PRKD3: variants seen among roughly 807,000 people sequenced by gnomAD.
PRKD3 encodes the protein serine/threonine-protein kinase D3.
PRKD3 carries 47 observed loss-of-function variants against 99.2 expected under a neutral mutation model. The observed-to-expected ratio is 0.47, with a 90% confidence interval of 0.38 to 0.60. The LOEUF is 0.60. PRKD3 is among the 20% of genes least tolerant of loss of function. The pLI is 0.00. For synonymous variants in PRKD3, 392 were observed against 355.4 expected (o/e 1.10, Z -1.16); for missense variants, 1,019 against 1,088.4 (o/e 0.94, Z 0.90).
chr2:37,254,238 C>A lies in PRKD3; in HGVS notation c.2465G>T (p.Ser822Ile). Residue 822 changes from serine to isoleucine, a missense_variant, in exon 18 of 19, where the codon AGT becomes ATT. Around this residue, in one of 3 missense-constraint regions of PRKD3, gnomAD observed 125 missense variants for 120.6 expected, o/e 1.04. Transcript: ENST00000234179. ...GGGATGACTAAGAGATTTGTCAACA[C>A]TGTAACGTTTTCTCATCTTCACTTG... ...LLQVKMRKRY[S>I]VDKSLSHPWL... is the part of the protein sequence containing the mutation. 2 of 1,613,420 alleles carry A rather than the reference C, an allele frequency of 1.2e-6. No individual in the cohort carries two copies.
chr2:37,262,235 T>G (rs890855657), intron 14 of PRKD3, among the ~76,000 whole-genome samples: 2 of 152,214 alleles, frequency 1.3e-5, no homozygotes, highest in Non-Finnish European at 2.9e-5. Context: ...GAGTTCCATG[T>G]CTAAGATGTT....
intron 14 of PRKD3, among the ~76,000 whole-genome samples, chr2:37,262,877 A>G (rs1668571531): frequency 6.6e-6 from 1 of 151,326 alleles, no homozygotes; most frequent in South Asian, 2.1e-4. Context: ...GAGATGAGCA[A>G]AGTATCCTAA....
rs1558543259 is a variant in PRKD3, at chr2:37,274,569, ATTG to A, written c.1500_1502del (p.Asn501del). 6.2e-7 allele frequency: 1 copy of A among 1,614,118 alleles called. No individual in the cohort carries two copies. Among genetic ancestry groups the A allele is most frequent in the South Asian group, 1.1e-5 (1 of 91,084 alleles). On this transcript the variant is annotated inframe_deletion, in exon 11 of 19. Transcript: ENST00000234179. ...GAACAGGATTATGAGAGCTGTCCCC[ATTG>A]TTCTCACCAACGAAGTATACCATAG... is the stretch of plus-strand genomic sequence containing the variant.
intron 2 of PRKD3, among the ~76,000 whole-genome samples, chr2:37,310,771 T>C (rs535670457): frequency 1.3e-5 from 2 of 152,330 alleles, no homozygotes; most frequent in Admixed American, 6.5e-5. Context: ...AGTTAAAAGA[T>C]AGAACATGGC....
intron 14 of PRKD3, among the ~76,000 whole-genome samples, chr2:37,263,134 A>T (rs1668593336): frequency 6.6e-6 from 1 of 151,868 alleles, no homozygotes; most frequent in African/African-American, 2.4e-5. Flanking sequence ...TTCTTAATTC[A>T]CTTATTTTCA....
At chr2:37,261,357 G>C (rs1285213398) in intron 14 of PRKD3, among the ~76,000 whole-genome samples, 1 of 152,120 alleles carries the variant, frequency 6.6e-6, no homozygotes, top group Non-Finnish European at 1.5e-5. Flanking sequence ...TGTGGTGACA[G>C]GTATCTGTAA....
intron 16 of PRKD3, among the ~76,000 whole-genome samples, chr2:37,258,755 TTTTA>T (rs749936596): frequency 4.6e-5 from 7 of 152,194 alleles, no homozygotes; most frequent in Non-Finnish European, 8.8e-5. Context: ...GCTGAACGAT[TTTTA>T]ATATATCTTT....
In PRKD3 at chr2:37,316,616, G is replaced by A. The variant is rs1671673821; in HGVS notation, c.-92C>T. On this transcript the variant is annotated 5_prime_UTR_variant, in exon 2 of 19. Coordinates refer to ENST00000234179, the MANE Select transcript of PRKD3 (RefSeq NM_005813.6). Reference sequence around the variant, plus strand: ...AATAACAGCAGTAAAGAAAATGACCGCACTTTTGGATTTAGTTGAAAACTT... The same window carrying A: ...AATAACAGCAGTAAAGAAAATGACCACACTTTTGGATTTAGTTGAAAACTT... 1.3e-5 allele frequency: 19 copies of A among 1,508,714 alleles called. No individual in the cohort carries two copies. Among genetic ancestry groups the A allele is most frequent in the South Asian group, 5.5e-5 (4 of 72,898 alleles). 93.5% of individuals were successfully genotyped at this position (1,508,714 alleles called of 1,614,324 possible).
intron 2 of PRKD3, among the ~76,000 whole-genome samples, chr2:37,300,578 C>G (rs888055412): frequency 2.6e-5 from 4 of 152,124 alleles, no homozygotes; most frequent in African/African-American, 9.7e-5. Flanking sequence ...TGATGGATAT[C>G]CCAATTACCC....
intron 7 of PRKD3, among the ~76,000 whole-genome samples, chr2:37,280,224 T>TACAAA (rs1669792191): frequency 1.3e-5 from 2 of 152,180 alleles, no homozygotes; most frequent in South Asian, 4.2e-4. Flanking sequence ...TTTGTATCTT[T>TACAAA]AGTAGAGATG....
chr2:37,271,822 C>T (rs1669285969), intron 12 of PRKD3, among the ~76,000 whole-genome samples: 1 of 152,202 alleles, frequency 6.6e-6, no homozygotes, highest in Admixed American at 6.5e-5. Flanking sequence ...TTAGGGACTG[C>T]TGGTCTACAA....
Position 37,250,873 on chromosome 2 carries a change from CA to C in PRKD3, c.*2303del, listed in dbSNP as rs1205895132. The C allele has an allele frequency of 1.3e-5, 2 of 152,574 alleles. No individual in the cohort carries two copies. The highest frequency in any genetic ancestry group is 6.5e-5 in the Admixed American group (1 of 15,270). 9.5% of individuals were successfully genotyped at this position (152,574 alleles called of 1,614,324 possible). ...TTCTTTTACAAACACGACTTAAAGA[CA>C]AAAAGTTATGCAGGTTATACAGTAT... On this transcript the variant is annotated 3_prime_UTR_variant, in exon 19 of 19. Transcript: ENST00000234179.
chr2:37,269,334 T>TC (rs34205385), intron 13 of PRKD3: 59 of 383,400 alleles, frequency 1.5e-4, no homozygotes, highest in Non-Finnish European at 2.5e-4. Flanking sequence ...TCAAACCATC[T>TC]CCCCCCCTGC....
At chr2:37,274,739 T>C (rs778780393) in intron 10 of PRKD3, 42 bp from the exon 11 acceptor site, 1 of 1,543,780 alleles carries the variant, frequency 6.5e-7, no homozygotes, top group Non-Finnish European at 8.8e-7. Context: ...GAATAGATCT[T>C]TGTTTTTATT....
In PRKD3 at chr2:37,289,348, A is replaced by C. The variant is rs1390809220; in HGVS notation, c.717+8T>G. ...CTACTAAAATGTCTATTACCTTAGA[A>C]TACGTACCTCTTCACTGGGAAGGGC... On this transcript the variant is annotated splice_region_variant and intron_variant, in intron 5 of 18. Transcript: ENST00000234179. 5 of 1,613,636 alleles carry C rather than the reference A, an allele frequency of 3.1e-6. No individual in the cohort carries two copies. In the African/African-American group the frequency reaches 6.7e-5, roughly 22 times the overall value.
chr2:37,280,048 A>T, intron 7 of PRKD3, 119 bp from the exon 8 acceptor site: 8 of 602,604 alleles, frequency 1.3e-5, no homozygotes, highest in Non-Finnish European at 2.1e-5. Flanking sequence ...TAAGTAAAGT[A>T]TTTCTCTTTT....
intron 1 of PRKD3, among the ~76,000 whole-genome samples, chr2:37,320,318 G>A (rs1671825619): frequency 6.6e-6 from 1 of 151,536 alleles, no homozygotes; most frequent in Non-Finnish European, 1.5e-5. Flanking sequence ...TGTCTCACGA[G>A]GTAATGAGCT....
chr2:37,254,229 T>G lies in PRKD3; in HGVS notation c.2474A>C (p.Lys825Thr), dbSNP rs1431354930. 6 of 1,612,848 alleles carry G rather than the reference T, an allele frequency of 3.7e-6. No homozygotes were observed. Among genetic ancestry groups the G allele is most frequent in the African/African-American group, 1.3e-5 (1 of 74,990 alleles). ...VKMRKRYSVD[K>T]SLSHPWLQDY... is the part of the protein sequence containing the mutation. ...CTGTAGCCAGGGATGACTAAGAGAT[T>G]TGTCAACACTGTAACGTTTTCTCAT... is the stretch of plus-strand genomic sequence containing the variant. Residue 825 changes from lysine (K) to threonine (T), a missense_variant, in exon 18 of 19, where the codon AAA becomes ACA. Physicochemically the swap from Lys to Thr is moderately conservative, Grantham distance 78. Transcript: ENST00000234179.
chr2:37,298,515 G>T (rs1161485862), intron 2 of PRKD3, among the ~76,000 whole-genome samples: 1 of 151,678 alleles, frequency 6.6e-6, no homozygotes, highest in African/African-American at 2.4e-5. Context: ...CTGTAAAATA[G>T]TGCCTACTTG....
Sources: allele counts gnomAD v4.1 joint callset (sites outside exome capture counted in the v4.1 genomes callset), GRCh38; gene constraint gnomAD v4.1.1; regional missense constraint gnomAD v4.1.1; transcripts MANE v1.5; gene names NCBI Gene and HGNC (gene_info 2026-07-23, HGNC 2026-07-21).